The following GOLGA1 variants were observed in gnomAD, a reference collection of about 807,000 sequenced individuals.
GOLGA1 encodes the protein golgin A1.
In GOLGA1, 63 loss-of-function variants were observed where a neutral mutation model predicts 119.7. The ratio of observed to expected loss-of-function variants is 0.53; its 90% CI spans 0.43 to 0.65. The LOEUF is 0.65. Among genes scored for constraint, GOLGA1 ranks in the 30% least tolerant of loss-of-function variants. The probability of loss-of-function intolerance (pLI) is 0.00; values close to 1 mark genes in which losing one functional copy is unlikely to be tolerated. For missense variants in GOLGA1, 798 were observed against 912.8 expected (o/e 0.87, Z 1.62); for synonymous variants, 318 against 333.4 (o/e 0.95, Z 0.50).
intron 7 of GOLGA1, among the ~76,000 whole-genome samples, chr9:124,924,315 T>G (rs1830629255): frequency 6.6e-6 from 1 of 152,098 alleles, no homozygotes. Context: ...TAGACATGAC[T>G]GGTGTCAGCA....
chr9:124,906,719 T>C (rs1830241438), intron 12 of GOLGA1, among the ~76,000 whole-genome samples: 1 of 152,152 alleles, frequency 6.6e-6, no homozygotes, highest in South Asian at 2.1e-4. Context: ...GCCATTGCAC[T>C]CCAGCCTGGG....
chr9:124,914,056 AGT>A (rs1464529176), intron 10 of GOLGA1, among the ~76,000 whole-genome samples: 4 of 152,078 alleles, frequency 2.6e-5, no homozygotes, highest in Admixed American at 6.6e-5. Context: ...CAGGAAAGTG[AGT>A]GAGTGTGATA....
rs1172770010 is a variant in GOLGA1 at position 124,938,680 on chromosome 9, T to C, written c.32A>G (p.Glu11Gly). 6.2e-7 allele frequency: 1 copy of C among 1,613,640 alleles called. No individual in the cohort carries two copies. Among genetic ancestry groups the C allele is most frequent in the Non-Finnish European group, 8.5e-7 (1 of 1,179,688 alleles). ...TGGCCTCTGAGCAACAGCAGTCTCT[T>C]CTGCAATTTTCTTCTTCAGTTTTGC... MFAKLKKKIA[E>G]ETAVAQRPGG... Residue 11 changes from glutamate (E) to glycine (G), a missense_variant, in exon 3 of 23, where the codon GAA becomes GGA. By Grantham distance (98) the Glu-to-Gly change is moderately conservative. Transcript: ENST00000373555.
At chr9:124,907,896 A>G (rs1283237814) in intron 12 of GOLGA1, among the ~76,000 whole-genome samples, 4 of 152,236 alleles carry the variant, frequency 2.6e-5, no homozygotes, top group African/African-American at 9.6e-5. Flanking sequence ...ATCTTCTCCT[A>G]TAGTACTTAG....
chr9:124,893,858 T>G (rs888440069), intron 15 of GOLGA1, among the ~76,000 whole-genome samples: 2 of 152,212 alleles, frequency 1.3e-5, no homozygotes, highest in Non-Finnish European at 2.9e-5. Flanking sequence ...CATTCCTCAG[T>G]CCTGTAGGCT....
chr9:124,931,101 G>A (rs1830762736), intron 4 of GOLGA1, among the ~76,000 whole-genome samples: 2 of 152,118 alleles, frequency 1.3e-5, no homozygotes, highest in South Asian at 4.1e-4. Flanking sequence ...AACCTCAGGA[G>A]CAGAAAAAAT....
At chr9:124,898,913 C>T (rs565978177) in intron 14 of GOLGA1, among the ~76,000 whole-genome samples, 6 of 152,086 alleles carry the variant, frequency 3.9e-5, no homozygotes, top group Non-Finnish European at 7.4e-5. Context: ...GAACTGCTCT[C>T]GGCTGGGTGC....
At position 124,898,414 on chromosome 9, in the gene GOLGA1, G is replaced by A. The variant is rs192196359; in HGVS notation, c.1407+135C>T. On this transcript the variant is annotated intron_variant, in intron 15 of 22. Transcript: ENST00000373555. ...CTTAATGAAGTGGCAATTTCTGGCC[G>A]ATGCCTAACAGAACTATTGAACAAA... 120 of 601,084 alleles carry A rather than the reference G, an allele frequency of 2.0e-4. No homozygotes were observed. The East Asian group carries it at 3.4e-3, about 17-fold the overall frequency. 37.2% of individuals were successfully genotyped at this position (601,084 alleles called of 1,614,324 possible). A position where few individuals can be genotyped will look rare whatever the true frequency, so the allele number is the denominator to read the frequency against.
rs35237091 is a variant in GOLGA1, at chr9:124,921,795, T to C, written c.659A>G (p.Asn220Ser). The change falls in exon 9 of 23, where the codon AAT becomes AGT. Residue 220 changes from asparagine (N) to serine (S), a missense_variant. Physicochemically the swap from Asn to Ser is conservative, Grantham distance 46. Coordinates refer to ENST00000373555, the MANE Select transcript of GOLGA1 (RefSeq NM_002077.4). ...SRTQEELMNSNQMSSDLSQKL... is the reference protein window; with the variant it reads ...SRTQEELMNSSQMSSDLSQKL... ...CTGGCTTAAGTCTGATGACATCTGA[T>C]TGGAGTTCATCAACTCCTCCTGGGT... The C allele has an allele frequency of 6.0e-3, 9,669 of 1,611,908 alleles. 403 individuals carry two copies. In the African/African-American group the frequency reaches 0.1, roughly 17 times the overall value.
At chr9:124,909,390 G>A (rs1281136615) in intron 11 of GOLGA1, among the ~76,000 whole-genome samples, 4 of 150,508 alleles carry the variant, frequency 2.7e-5, no homozygotes, top group South Asian at 2.1e-4. Flanking sequence ...GACAGATCAC[G>A]AGGTCAGAAG....
chr9:124,941,520 ACCCGGGAAGTCTG>A (rs1050873885), upstream of GOLGA1, among the ~76,000 whole-genome samples: 3 of 152,146 alleles, frequency 2.0e-5, no homozygotes, highest in African/African-American at 7.2e-5. Context: ...CCACCGTGTG[ACCCGGGAAGTCTG>A]CGCCTCCAGC....
chr9:124,883,457 A>T (rs1476413155), intron 19 of GOLGA1, among the ~76,000 whole-genome samples: 2 of 148,626 alleles, frequency 1.3e-5, no homozygotes, highest in Non-Finnish European at 3.0e-5. Context: ...AGCTAATTTT[A>T]TTTTTTTCAG....
At chr9:124,939,553 T>TTTC (rs1830955919) in intron 2 of GOLGA1, among the ~76,000 whole-genome samples, 1 of 34,964 alleles carries the variant, frequency 2.9e-5, no homozygotes, top group South Asian at 1.3e-3. Context: ...TTTCTTTCTT[T>TTTC]TTTTTTTTTT....
At chr9:124,939,172 G>A (rs1178144608) in intron 2 of GOLGA1, among the ~76,000 whole-genome samples, 1 of 151,552 alleles carries the variant, frequency 6.6e-6, no homozygotes, top group African/African-American at 2.4e-5. Context: ...TGTTGGCTAT[G>A]ACATATAACA....
chr9:124,936,541 A>G (rs934871794), intron 3 of GOLGA1, among the ~76,000 whole-genome samples: 8 of 152,064 alleles, frequency 5.3e-5, no homozygotes, highest in Admixed American at 2.0e-4. Context: ...CCTGGGCTCA[A>G]GCGATCCTCT....
chr9:124,887,014 G>A (rs1334988020), intron 19 of GOLGA1, among the ~76,000 whole-genome samples: 1 of 152,204 alleles, frequency 6.6e-6, no homozygotes, highest in Non-Finnish European at 1.5e-5. Flanking sequence ...GCTGCAGGCA[G>A]GGAGCAGGGA....
At chr9:124,903,770 G>A (rs866990371) in intron 12 of GOLGA1, among the ~76,000 whole-genome samples, 1 of 151,922 alleles carries the variant, frequency 6.6e-6, no homozygotes, top group African/African-American at 2.4e-5. Flanking sequence ...AAAGGAATAG[G>A]CCAGGCACAG....
chr9:124,882,044 T>G, intron 20 of GOLGA1, 90 bp from the exon 21 acceptor site: 2 of 996,428 alleles, frequency 2.0e-6, no homozygotes, highest in African/African-American at 3.2e-5. Context: ...CAAACTATGA[T>G]CACTATCGTA....
At chr9:124,931,288 T>G in intron 4 of GOLGA1, 28 bp downstream of exon 4, 1 of 1,072,150 alleles carries the variant, frequency 9.3e-7, no homozygotes, top group Non-Finnish European at 1.5e-6. Context: ...TTTCCTGTTG[T>G]TTGCTTTTTA....
Sources: gnomAD v4.1 joint callset for allele counts (sites outside exome capture counted in the v4.1 genomes callset) on GRCh38, gnomAD v4.1.1 for gene constraint, MANE v1.5 for transcripts, NCBI Gene and HGNC (gene_info 2026-07-23, HGNC 2026-07-21) for gene names.